DIAPH2: variants seen among roughly 807,000 people sequenced by gnomAD.
DIAPH2 encodes protein diaphanous homolog 2.
Under a neutral mutation model 92.7 loss-of-function variants are expected in DIAPH2, and 35 were observed. The observed-to-expected ratio is 0.38, with a 90% CI of 0.29 to 0.50. The LOEUF (loss-of-function observed/expected upper bound fraction) is 0.50. DIAPH2 is among the 20% of genes least tolerant of loss of function. The pLI is 0.94. For synonymous variants in DIAPH2, 301 were observed against 280.4 expected (o/e 1.07, Z -0.73); for missense variants, 701 against 819.5 (o/e 0.86, Z 1.77).
At chrX:96,905,988 G>C (rs1220493792) in intron 5 of DIAPH2, among the ~76,000 whole-genome samples, 4 of 112,086 alleles carry the variant, frequency 3.6e-5, no homozygotes, top group Non-Finnish European at 7.5e-5. Flanking sequence ...AATTAGCCGG[G>C]TGTGGCGGCA....
intron 22 of DIAPH2, among the ~76,000 whole-genome samples, chrX:97,229,930 A>G (rs908550565): frequency 9.3e-6 from 1 of 107,439 alleles, no homozygotes; most frequent in East Asian, 2.8e-4. Context: ...CAGCTTATAT[A>G]TAATAGCAAA....
At chrX:97,502,026 C>T (rs902218050) in intron 26 of DIAPH2, among the ~76,000 whole-genome samples, 1 of 111,898 alleles carries the variant, frequency 8.9e-6, no homozygotes, top group Non-Finnish European at 1.9e-5. Flanking sequence ...TGGTCCCAAA[C>T]TCCTGACCTC....
chrX:97,283,508 A>G (rs2068515396), intron 23 of DIAPH2, among the ~76,000 whole-genome samples: 1 of 112,179 alleles, frequency 8.9e-6, no homozygotes, highest in Non-Finnish European at 1.9e-5. Flanking sequence ...AACAATGGCT[A>G]ATGAATCTTT....
chrX:96,695,416 C>G (rs758159659), intron 1 of DIAPH2, among the ~76,000 whole-genome samples: 14 of 112,460 alleles, frequency 1.2e-4, no homozygotes, highest in Non-Finnish European at 2.4e-4. Context: ...TCATTACAGC[C>G]TATACTTGCT....
chrX:97,103,321 A>G (rs755984068), intron 20 of DIAPH2, among the ~76,000 whole-genome samples: 28 of 111,695 alleles, frequency 2.5e-4, no homozygotes, highest in African/African-American at 7.8e-4. Context: ...GGATGGATGA[A>G]TAAAAATCCT....
chrX:97,490,287 TC>T (rs1328806798), intron 26 of DIAPH2, among the ~76,000 whole-genome samples: 4 of 109,527 alleles, frequency 3.7e-5, no homozygotes, highest in Non-Finnish European at 5.7e-5. Context: ...TGATTTTGAA[TC>T]TTTTTTTTTT....
At chrX:97,062,205 A>G (rs143956651) in intron 17 of DIAPH2, among the ~76,000 whole-genome samples, 4,446 of 111,630 alleles carry the variant, frequency 0.04, 86 homozygotes, top group Middle Eastern at 0.065. Flanking sequence ...TATGAGACCA[A>G]TGGTTGACCA....
chrX:97,278,140 A>G (rs1016896934), intron 23 of DIAPH2, among the ~76,000 whole-genome samples: 1 of 112,523 alleles, frequency 8.9e-6, no homozygotes, highest in African/African-American at 3.2e-5. Context: ...CACCACGCCC[A>G]ATCAAGAAGA....
At chrX:97,027,845 C>T (rs975722125) in intron 17 of DIAPH2, among the ~76,000 whole-genome samples, 3 of 112,120 alleles carry the variant, frequency 2.7e-5, no homozygotes, top group East Asian at 2.8e-4. Flanking sequence ...CACGCTGAGG[C>T]GCTTGTAAAC....
intron 21 of DIAPH2, among the ~76,000 whole-genome samples, chrX:97,127,907 C>G (rs1407295226): frequency 9.0e-6 from 1 of 110,728 alleles, no homozygotes; most frequent in Non-Finnish European, 1.9e-5. Context: ...ACTTGGGAGG[C>G]TGAGGTGGGA....
At chrX:97,500,927 T>C (rs1297694991) in intron 26 of DIAPH2, among the ~76,000 whole-genome samples, 1 of 108,456 alleles carries the variant, frequency 9.2e-6, no homozygotes, top group Non-Finnish European at 1.9e-5. Flanking sequence ...TCTACACTTC[T>C]ATTCCTTCCT....
intron 22 of DIAPH2, among the ~76,000 whole-genome samples, chrX:97,185,486 T>TATATATATATATATATATATATACAC (rs2067593364): frequency 6.8e-5 from 1 of 14,742 alleles, no homozygotes; most frequent in African/African-American, 2.0e-4. Context: ...TATATATATA[T>TATATATATATATATATATATATACAC]ATATATATAT....
At chrX:97,420,076 A>G (rs937165287) in intron 25 of DIAPH2, among the ~76,000 whole-genome samples, 1 of 111,206 alleles carries the variant, frequency 9.0e-6, no homozygotes, top group Admixed American at 9.6e-5. Flanking sequence ...GTGCTTGTTT[A>G]TTTATAGAAT....
At chrX:97,120,038 CCT>C (rs1251215483) in intron 21 of DIAPH2, among the ~76,000 whole-genome samples, 2 of 111,844 alleles carry the variant, frequency 1.8e-5, no homozygotes, top group Non-Finnish European at 3.8e-5. Context: ...GGATTCACGC[CCT>C]CCACTGAGTT....
chrX:96,854,171 A>G (rs2065022274), intron 4 of DIAPH2, among the ~76,000 whole-genome samples: 1 of 110,896 alleles, frequency 9.0e-6, no homozygotes, highest in South Asian at 3.8e-4. Context: ...GGTACTAAAT[A>G]TTTTACATCG....
chrX:97,031,263 A>T (rs1321078769), intron 17 of DIAPH2, among the ~76,000 whole-genome samples: 1 of 94,969 alleles, frequency 1.1e-5, no homozygotes, highest in Non-Finnish European at 2.0e-5. Context: ...GCCTGACAAG[A>T]GGTCTCCATA....
chrX:97,279,479 T>C (rs1340910692), intron 23 of DIAPH2, among the ~76,000 whole-genome samples: 2 of 109,924 alleles, frequency 1.8e-5, no homozygotes, highest in African/African-American at 6.6e-5. Flanking sequence ...AATTTTTGTA[T>C]TTTTGGTAGA....
intron 23 of DIAPH2, among the ~76,000 whole-genome samples, chrX:97,289,291 G>C (rs999926247): frequency 1.8e-5 from 2 of 112,035 alleles, no homozygotes; most frequent in South Asian, 7.3e-4. Context: ...CAGAAATTCA[G>C]AAATATTCAA....
chrX:97,448,073 CAG>C (rs1281207839), intron 26 of DIAPH2, among the ~76,000 whole-genome samples: 1 of 112,050 alleles, frequency 8.9e-6, no homozygotes, highest in Non-Finnish European at 1.9e-5. Context: ...TAAAAGAAGG[CAG>C]ATTTAACTTA....
Sources: allele counts gnomAD v4.1 joint callset (sites outside exome capture counted in the v4.1 genomes callset), GRCh38; gene constraint gnomAD v4.1.1; transcripts MANE v1.5; gene names NCBI Gene and HGNC (gene_info 2026-07-23, HGNC 2026-07-21).